The following NOX4 variants were observed in gnomAD, a reference collection of about 807,000 sequenced individuals.
The protein encoded by NOX4 is kidney oxidase-1.
A neutral mutation model predicts 87.6 loss-of-function variants in NOX4; 69 were observed. The observed-to-expected ratio is 0.79, with a 90% CI of 0.65 to 0.96. NOX4 has a LOEUF of 0.96. Among genes scored for constraint, NOX4 ranks in the 40% least tolerant of loss-of-function variants. NOX4 has a pLI of 0.00. For missense variants in NOX4, 680 were observed against 681.5 expected (o/e 1.00, Z 0.02); for synonymous variants, 275 against 238.2 (o/e 1.15, Z -1.42).
At chr11:89,499,296 A>G (rs1470380425), upstream of NOX4, 1 of 152,178 alleles carries the variant, frequency 6.6e-6, no homozygotes, top group African/African-American at 2.4e-5. Flanking sequence ...TCTTCATTAC[A>G]TAAATCCTGG....
intron 17 of NOX4, among the ~76,000 whole-genome samples, chr11:89,334,668 A>AAT (rs1945621087): frequency 6.6e-6 from 1 of 151,772 alleles, no homozygotes. Context: ...TGTTTATAAA[A>AAT]ATATATTTTA....
chr11:89,363,181 A>G (rs2135013809), intron 12 of NOX4, among the ~76,000 whole-genome samples: 1 of 152,244 alleles, frequency 6.6e-6, no homozygotes, highest in Non-Finnish European at 1.5e-5. Flanking sequence ...AAAAAGCAAA[A>G]GAAGCGGAGA....
At chr11:89,490,681 G>A in intron 1 of NOX4, 128 bp from the exon 2 acceptor site, 2 of 744,150 alleles carry the variant, frequency 2.7e-6, no homozygotes, top group Non-Finnish European at 4.8e-6. Flanking sequence ...ACTGCAGAAA[G>A]CATTTTCAAT....
chr11:89,438,859 T>TATATATTATATATATAATATATA (rs1944290630), intron 6 of NOX4, among the ~76,000 whole-genome samples: 2 of 36,424 alleles, frequency 5.5e-5, no homozygotes, highest in Admixed American at 5.4e-4. Flanking sequence ...TATAATATAT[T>TATATATTATATATATAATATATA]ATATATTATA....
chr11:89,341,657 T>G (rs1455616807), intron 14 of NOX4, among the ~76,000 whole-genome samples: 1 of 152,218 alleles, frequency 6.6e-6, no homozygotes, highest in African/African-American at 2.4e-5. Flanking sequence ...CCCATTTGAA[T>G]GTAAGTTTTT....
intron 8 of NOX4, among the ~76,000 whole-genome samples, chr11:89,414,480 G>A (rs1942655293): frequency 6.6e-6 from 1 of 151,730 alleles, no homozygotes; most frequent in South Asian, 2.1e-4. Flanking sequence ...CTTTTATAAA[G>A]ACACACTGGC....
the NOX4 span, among the ~76,000 whole-genome samples, chr11:89,541,418 C>T: frequency 6.6e-6 from 1 of 152,158 alleles, no homozygotes; most frequent in Non-Finnish European, 1.5e-5. Context: ...TCAGTCTCTT[C>T]CAACAACCAG....
At chr11:89,533,142 T>A in the NOX4 span, among the ~76,000 whole-genome samples, 1 of 152,228 alleles carries the variant, frequency 6.6e-6, no homozygotes, top group East Asian at 1.9e-4. Flanking sequence ...TCAAACTATA[T>A]AAAGTGTCTA....
the NOX4 span, among the ~76,000 whole-genome samples, chr11:89,507,513 T>C: frequency 1.3e-5 from 2 of 151,666 alleles, no homozygotes; most frequent in East Asian, 3.9e-4. Flanking sequence ...ACTTACATAA[T>C]ATATATTGCA....
the NOX4 span, among the ~76,000 whole-genome samples, chr11:89,582,929 C>A: frequency 1.1e-4 from 17 of 152,172 alleles, no homozygotes; most frequent in Non-Finnish European, 8.8e-5. Context: ...GCGCCTGTTC[C>A]TCCTATACAG....
intron 11 of NOX4, among the ~76,000 whole-genome samples, chr11:89,397,376 A>G (rs1941562152): frequency 6.6e-6 from 1 of 152,186 alleles, no homozygotes; most frequent in African/African-American, 2.4e-5. Flanking sequence ...GGAAAGGTCT[A>G]AAATTGGCAC....
intron 12 of NOX4, among the ~76,000 whole-genome samples, chr11:89,372,718 A>T (rs1939535810): frequency 6.6e-6 from 1 of 152,014 alleles, no homozygotes; most frequent in Non-Finnish European, 1.5e-5. Flanking sequence ...ACCTAAGTAT[A>T]AGAATATTTA....
chr11:89,491,377 G>C, upstream of NOX4: 1 of 817,510 alleles, frequency 1.2e-6, no homozygotes, highest in Non-Finnish European at 1.8e-6. Flanking sequence ...AGACTGAGTG[G>C]AAGCCCGAAG....
intron 13 of NOX4, among the ~76,000 whole-genome samples, 195 bp from the exon 14 acceptor site, chr11:89,342,388 G>A (rs543557331): frequency 1.8e-4 from 27 of 152,158 alleles, no homozygotes; most frequent in East Asian, 5.8e-4. Context: ...AAATAAATAC[G>A]TCTGTTTCTA....
chr11:89,495,559 A>G (rs182539914), upstream of NOX4, among the ~76,000 whole-genome samples: 3 of 152,016 alleles, frequency 2.0e-5, no homozygotes, highest in Non-Finnish European at 4.4e-5. Flanking sequence ...TTTCCTTATA[A>G]AGTAACTTTA....
intron 2 of NOX4, among the ~76,000 whole-genome samples, chr11:89,463,601 A>G (rs528590987): frequency 3.3e-5 from 5 of 151,988 alleles, no homozygotes; most frequent in South Asian, 2.1e-4. Context: ...CTTTGTGTTT[A>G]TTGTCAGCAT....
chr11:89,504,093 A>C, the NOX4 span, among the ~76,000 whole-genome samples: 1 of 151,724 alleles, frequency 6.6e-6, no homozygotes, highest in African/African-American at 2.4e-5. Flanking sequence ...CTGATTAACA[A>C]ATTTTTAAGA....
chr11:89,560,966 C>A, the NOX4 span, among the ~76,000 whole-genome samples: 353 of 59,138 alleles, frequency 6.0e-3, 29 homozygotes, highest in African/African-American at 0.019. Flanking sequence ...CATCTCGTCT[C>A]TCTCTCTCTC....
intron 17 of NOX4, among the ~76,000 whole-genome samples, chr11:89,334,294 T>G (rs910052891): frequency 2.0e-5 from 3 of 151,668 alleles, no homozygotes; most frequent in Non-Finnish European, 3.0e-5. Flanking sequence ...TAGCCAAAAG[T>G]GGGTTGAAAT....
Sources: allele counts gnomAD v4.1 joint callset (sites outside exome capture counted in the v4.1 genomes callset), GRCh38; gene constraint gnomAD v4.1.1; transcripts MANE v1.5; gene names NCBI Gene and HGNC (gene_info 2026-07-23, HGNC 2026-07-21).